Variants in WWOX observed in about 807,000 individuals in gnomAD.
WWOX encodes WW domain-containing oxidoreductase.
WWOX carries 69 observed loss-of-function variants against 46.2 expected under a neutral mutation model. The observed-to-expected ratio is 1.49, with a 90% confidence interval of 1.23 to 1.82. WWOX has a LOEUF of 1.82. Ranked by LOEUF, WWOX falls within the 40% of genes most tolerant of loss-of-function variation. The pLI, the probability that WWOX is intolerant of heterozygous loss-of-function variation, is 0.00. For missense variants in WWOX, 919 were observed against 542.6 expected (o/e 1.69, Z -6.89); for synonymous variants, 359 against 202.6 (o/e 1.77, Z -6.56).
At chr16:78,702,805 T>C (rs950995045) in intron 8 of WWOX, among the ~76,000 whole-genome samples, 1 of 152,186 alleles carries the variant, frequency 6.6e-6, no homozygotes, top group Non-Finnish European at 1.5e-5. Context: ...AGAAGCTCTG[T>C]GTGCTGCGGG....
chr16:78,418,631 C>A (rs58760089), intron 6 of WWOX, among the ~76,000 whole-genome samples: 11 of 152,088 alleles, frequency 7.2e-5, no homozygotes, highest in Non-Finnish European at 1.2e-4. Flanking sequence ...TTTATCCAAA[C>A]AATTCACGGT....
At chr16:78,656,213 C>G (rs2142157826) in intron 8 of WWOX, among the ~76,000 whole-genome samples, 1 of 151,952 alleles carries the variant, frequency 6.6e-6, no homozygotes, top group East Asian at 1.9e-4. Flanking sequence ...GTAGGATCAC[C>G]TCTCTGTGCC....
At chr16:79,176,333 G>T (rs1291798264) in intron 8 of WWOX, among the ~76,000 whole-genome samples, 6 of 152,160 alleles carry the variant, frequency 3.9e-5, no homozygotes, top group African/African-American at 1.4e-4. Flanking sequence ...CCAGTCATCT[G>T]GTATTTCTTA....
At chr16:78,198,263 A>G (rs2036119965) in intron 5 of WWOX, among the ~76,000 whole-genome samples, 1 of 151,940 alleles carries the variant, frequency 6.6e-6, no homozygotes, top group African/African-American at 2.4e-5. Context: ...TTCAAAGAAG[A>G]TCCTGGGAAC....
At chr16:78,214,362 C>T (rs558081920) in intron 5 of WWOX, among the ~76,000 whole-genome samples, 3 of 152,246 alleles carry the variant, frequency 2.0e-5, no homozygotes, top group African/African-American at 7.2e-5. Flanking sequence ...ATTGTTCCTA[C>T]CTCTTAGGGC....
intron 5 of WWOX, among the ~76,000 whole-genome samples, chr16:78,384,853 G>T (rs1009085646): frequency 1.3e-5 from 2 of 152,058 alleles, no homozygotes; most frequent in Non-Finnish European, 2.9e-5. Flanking sequence ...ACTAGGCTTT[G>T]TGCCAGGTGC....
intron 4 of WWOX, among the ~76,000 whole-genome samples, chr16:78,118,085 G>T (rs2032898890): frequency 6.7e-6 from 1 of 150,058 alleles, no homozygotes; most frequent in Non-Finnish European, 1.5e-5. Context: ...TGCTTTGTTG[G>T]AATTGCCATT....
chr16:78,182,142 CTTA>C (rs2035550415), intron 5 of WWOX, among the ~76,000 whole-genome samples: 1 of 152,192 alleles, frequency 6.6e-6, no homozygotes, highest in African/African-American at 2.4e-5. Context: ...TTCACTTGTT[CTTA>C]TTGCCTCAGT....
chr16:78,849,189 A>G (rs542898817), intron 8 of WWOX, among the ~76,000 whole-genome samples: 2 of 152,266 alleles, frequency 1.3e-5, no homozygotes, highest in Admixed American at 6.5e-5. Flanking sequence ...ACAAGAGTCA[A>G]TGTAAGTCTC....
intron 8 of WWOX, among the ~76,000 whole-genome samples, chr16:78,833,853 C>T (rs542580151): frequency 9.2e-5 from 14 of 152,390 alleles, no homozygotes; most frequent in African/African-American, 2.6e-4. Flanking sequence ...TTTGCTGGCT[C>T]ATGCGTTTCA....
chr16:78,577,751 T>A (rs1567656851), intron 8 of WWOX, among the ~76,000 whole-genome samples: 1 of 152,196 alleles, frequency 6.6e-6, no homozygotes, highest in Non-Finnish European at 1.5e-5. Flanking sequence ...TTCCTAGCAG[T>A]CTTGCGGAAG....
At chr16:79,083,164 C>T (rs979160974) in intron 8 of WWOX, among the ~76,000 whole-genome samples, 5 of 152,184 alleles carry the variant, frequency 3.3e-5, no homozygotes, top group Non-Finnish European at 5.9e-5. Context: ...GAGTCCCTAA[C>T]ACTGCGGTTC....
intron 8 of WWOX, among the ~76,000 whole-genome samples, chr16:79,091,968 A>G (rs904653540): frequency 2.6e-5 from 4 of 151,282 alleles, no homozygotes; most frequent in African/African-American, 7.3e-5. Flanking sequence ...TTTAGTAGAG[A>G]CGGAGTTTCA....
At chr16:78,101,738 A>G (rs1047486438) in intron 1 of WWOX, among the ~76,000 whole-genome samples, 5 of 152,198 alleles carry the variant, frequency 3.3e-5, no homozygotes, top group Admixed American at 2.6e-4. Flanking sequence ...CTTTGGTGGC[A>G]AGGTAGAGGA....
intron 8 of WWOX, among the ~76,000 whole-genome samples, chr16:78,646,984 A>G (rs2046859325): frequency 6.6e-6 from 1 of 151,702 alleles, no homozygotes; most frequent in African/African-American, 2.4e-5. Flanking sequence ...ACTGGCTCAG[A>G]CTCTGCTGGG....
intron 8 of WWOX, among the ~76,000 whole-genome samples, chr16:79,080,150 A>G (rs1490216124): frequency 6.6e-6 from 1 of 152,164 alleles, no homozygotes; most frequent in Non-Finnish European, 1.5e-5. Context: ...CCAAGGAGGA[A>G]GAGTGGGTGT....
intron 8 of WWOX, among the ~76,000 whole-genome samples, chr16:78,492,020 T>C (rs1003776654): frequency 8.8e-5 from 7 of 79,722 alleles, no homozygotes; most frequent in African/African-American, 2.1e-4. Flanking sequence ...CCATTCTCAA[T>C]GGACAAAGGG....
intron 8 of WWOX, among the ~76,000 whole-genome samples, chr16:79,139,593 TTTTTCTTTCTTTCTTTC>T (rs1463079419): frequency 1.3e-5 from 2 of 152,192 alleles, no homozygotes; most frequent in Non-Finnish European, 2.9e-5. Context: ...TTTTCTTTTC[TTTTTCTTTCTTTCTTTC>T]TTTTCTTTTT....
chr16:78,541,032 G>A (rs918200385), intron 8 of WWOX, among the ~76,000 whole-genome samples: 2 of 152,062 alleles, frequency 1.3e-5, no homozygotes, highest in Admixed American at 6.6e-5. Flanking sequence ...GGGAGGTGGC[G>A]TGGGTAGATA....
Sources: allele counts gnomAD v4.1 joint callset (sites outside exome capture counted in the v4.1 genomes callset), GRCh38; gene constraint gnomAD v4.1.1; transcripts MANE v1.5; gene names NCBI Gene and HGNC (gene_info 2026-07-23, HGNC 2026-07-21).